The following FSTL5 variants were observed in gnomAD, a reference collection of about 807,000 sequenced individuals.
The protein encoded by FSTL5 is follistatin like 5, also known as follistatin-related protein 5.
Under a neutral mutation model 89.1 loss-of-function variants are expected in FSTL5, and 62 were observed. The ratio of observed to expected loss-of-function variants is 0.70; its 90% CI spans 0.57 to 0.86. The LOEUF is 0.86. Among genes scored for constraint, FSTL5 ranks in the 40% least tolerant of loss-of-function variants. The probability of loss-of-function intolerance (pLI) is 0.00; values close to 1 mark genes in which losing one functional copy is unlikely to be tolerated. For synonymous variants in FSTL5, 383 were observed against 346.2 expected (o/e 1.11, Z -1.18); for missense variants, 1,057 against 1,001.6 (o/e 1.06, Z -0.75).
rs77332574 is a variant in FSTL5, at chr4:162,032,095, A to G, written c.160+1530T>C. Among the ~76,000 whole-genome samples, 2,659 of 152,288 alleles carry G rather than the reference A, an allele frequency of 0.017. 139 individuals carry two copies. In the East Asian group the frequency reaches 0.19, roughly 11 times the overall value. ...ATTCCTAGATAGTAGTTGGAAAAAC[A>G]TAATTTCTACTACTTCAGATGACAT... is the stretch of plus-strand genomic sequence containing the variant. On this transcript the variant is annotated intron_variant, in intron 3 of 15. Transcript: ENST00000306100.
At chr4:162,103,226 A>T (rs1731073323) in intron 2 of FSTL5, among the ~76,000 whole-genome samples, 1 of 152,198 alleles carries the variant, frequency 6.6e-6, no homozygotes, top group Non-Finnish European at 1.5e-5. Flanking sequence ...TAGAATAGGA[A>T]ATAAAGTTTT....
At chr4:161,995,870 C>T (rs1736280270) in intron 3 of FSTL5, among the ~76,000 whole-genome samples, 1 of 151,468 alleles carries the variant, frequency 6.6e-6, no homozygotes, top group African/African-American at 2.4e-5. Context: ...GGAGACTACA[C>T]ACTCTTCAGA....
intron 4 of FSTL5, among the ~76,000 whole-genome samples, chr4:161,913,490 G>A (rs907694063): frequency 1.3e-5 from 2 of 152,262 alleles, no homozygotes; most frequent in Admixed American, 6.5e-5. Context: ...TTGAGCCTGC[G>A]TGTGCACAGA....
At chr4:162,126,774 A>C (rs1287367804) in intron 1 of FSTL5, among the ~76,000 whole-genome samples, 2 of 152,308 alleles carry the variant, frequency 1.3e-5, no homozygotes, top group African/African-American at 4.8e-5. Context: ...CTTTTACAAA[A>C]TTTTATTTCC....
chr4:161,703,206 C>A (rs895623417), intron 6 of FSTL5, among the ~76,000 whole-genome samples: 1 of 152,024 alleles, frequency 6.6e-6, no homozygotes, highest in East Asian at 1.9e-4. Context: ...CTTATTTCAA[C>A]GACCCAGTCT....
At chr4:161,775,172 AC>A in intron 5 of FSTL5, among the ~76,000 whole-genome samples, 1 of 152,226 alleles carries the variant, frequency 6.6e-6, no homozygotes, top group Non-Finnish European at 1.5e-5. Context: ...TACTTCCCTC[AC>A]CCCAAACCTA....
intron 1 of FSTL5, among the ~76,000 whole-genome samples, chr4:162,138,547 C>A (rs1170575781): frequency 6.6e-6 from 1 of 152,034 alleles, no homozygotes; most frequent in African/African-American, 2.4e-5. Context: ...CTCATACTTA[C>A]TGAGATAAAT....
chr4:162,162,424 C>A (rs1191308099), intron 1 of FSTL5, among the ~76,000 whole-genome samples: 1 of 152,030 alleles, frequency 6.6e-6, no homozygotes, highest in African/African-American at 2.4e-5. Flanking sequence ...TAAACTCTCT[C>A]TCTCTGGAAT....
intron 3 of FSTL5, among the ~76,000 whole-genome samples, chr4:161,994,806 A>G (rs1010290836): frequency 2.4e-4 from 37 of 152,124 alleles, no homozygotes; most frequent in African/African-American, 6.3e-4. Flanking sequence ...ACAGTTTGCA[A>G]AAGTTTTTCT....
At chr4:161,738,024 G>A (rs1739881132) in intron 6 of FSTL5, among the ~76,000 whole-genome samples, 1 of 151,894 alleles carries the variant, frequency 6.6e-6, no homozygotes, top group South Asian at 2.1e-4. Flanking sequence ...ATAAAAATGG[G>A]GATGTTCATA....
At position 162,068,396 on chromosome 4, in the gene FSTL5, G is replaced by A. The variant is rs187256152; in HGVS notation, c.127-34738C>T. 2.1e-3 allele frequency among the ~76,000 whole-genome samples: 326 copies of A among 151,914 alleles called. 1 individual carries two copies. The highest frequency in any genetic ancestry group is 7.3e-3 in the African/African-American group (301 of 41,500). On this transcript the variant is annotated intron_variant, in intron 2 of 15. Transcript: ENST00000306100. The stretch of plus-strand genomic sequence containing the variant: ...GAATAGAGAACCCAGAAATAAGATC[G>A]CACATCTACAACCATCTGATCTTCG...
At chr4:161,604,856 C>T (rs1368049188) in intron 7 of FSTL5, among the ~76,000 whole-genome samples, 1 of 152,100 alleles carries the variant, frequency 6.6e-6, no homozygotes, top group Non-Finnish European at 1.5e-5. Context: ...GGGAGCCTGC[C>T]TAAAAGAACA....
intron 3 of FSTL5, among the ~76,000 whole-genome samples, chr4:162,007,562 A>T (rs1736647226): frequency 6.6e-6 from 1 of 151,876 alleles, no homozygotes; most frequent in African/African-American, 2.4e-5. Context: ...TATTGTGCTT[A>T]CATATCTTTC....
At chr4:161,439,436 C>G (rs115961350) in intron 15 of FSTL5, among the ~76,000 whole-genome samples, 5 of 152,194 alleles carry the variant, frequency 3.3e-5, no homozygotes, top group Non-Finnish European at 7.3e-5. Context: ...CTCCGCAATT[C>G]AATAACCATG....
At chr4:161,818,071 A>G (rs1325960232) in intron 4 of FSTL5, among the ~76,000 whole-genome samples, 1 of 152,220 alleles carries the variant, frequency 6.6e-6, no homozygotes, top group Non-Finnish European at 1.5e-5. Context: ...AAACTCCAGC[A>G]AGGCAGAGAC....
intron 3 of FSTL5, among the ~76,000 whole-genome samples, chr4:161,975,636 G>T (rs1221741419): frequency 6.6e-6 from 1 of 151,764 alleles, no homozygotes; most frequent in Non-Finnish European, 1.5e-5. Flanking sequence ...ATAGCACTGG[G>T]AGATATACTT....
At chr4:161,988,934 A>G (rs1412590072) in intron 3 of FSTL5, among the ~76,000 whole-genome samples, 1 of 152,180 alleles carries the variant, frequency 6.6e-6, no homozygotes, top group African/African-American at 2.4e-5. Flanking sequence ...CATATTCAAC[A>G]GAATGCAAAT....
intron 15 of FSTL5, among the ~76,000 whole-genome samples, chr4:161,397,927 G>C (rs1731060984): frequency 6.6e-6 from 1 of 151,896 alleles, no homozygotes; most frequent in South Asian, 2.1e-4. Context: ...TAAATAATTA[G>C]ATGAATGTAA....
At chr4:161,428,122 C>T (rs1035964740) in intron 15 of FSTL5, among the ~76,000 whole-genome samples, 2 of 152,068 alleles carry the variant, frequency 1.3e-5, no homozygotes, top group Non-Finnish European at 2.9e-5. Flanking sequence ...CTCAGTGCTG[C>T]TCTGTCAGAG....
Sources: allele counts gnomAD v4.1 joint callset (sites outside exome capture counted in the v4.1 genomes callset), GRCh38; gene constraint gnomAD v4.1.1; transcripts MANE v1.5; gene names NCBI Gene and HGNC (gene_info 2026-07-23, HGNC 2026-07-21).